RNGTT: variants seen among roughly 807,000 people sequenced by gnomAD.
RNGTT encodes the protein mRNA-capping enzyme.
Under a neutral mutation model 79.3 loss-of-function variants are expected in RNGTT, and 33 were observed. The ratio of observed to expected loss-of-function variants is 0.42; its 90% CI spans 0.32 to 0.56. The LOEUF (loss-of-function observed/expected upper bound fraction) is 0.56, where lower values mean the gene tolerates loss of function less well. Ranked by LOEUF, RNGTT falls within the 20% of genes least tolerant of loss-of-function variation. RNGTT has a pLI of 0.17. For missense variants in RNGTT, 497 were observed against 739.1 expected, an observed-to-expected ratio of 0.67 and a Z score of 3.80; for synonymous variants, 222 against 235.9, an observed-to-expected ratio of 0.94 and a Z score of 0.54.
At chr6:88,669,654 G>T (rs1194182331) in intron 14 of RNGTT, among the ~76,000 whole-genome samples, 1 of 152,188 alleles carries the variant, frequency 6.6e-6, no homozygotes, top group Non-Finnish European at 1.5e-5. Context: ...GGACTGGACG[G>T]CTCCAGCTAG....
At chr6:88,777,181 T>C (rs1562247516) in intron 12 of RNGTT, among the ~76,000 whole-genome samples, 3 of 152,206 alleles carry the variant, frequency 2.0e-5, no homozygotes, top group Non-Finnish European at 4.4e-5. Flanking sequence ...TTCTGGGCCC[T>C]CTATTCTGGT....
At chr6:88,927,662 C>CA (rs35564169) in intron 4 of RNGTT, among the ~76,000 whole-genome samples, 22 of 136,746 alleles carry the variant, frequency 1.6e-4, no homozygotes, top group East Asian at 1.1e-3. Flanking sequence ...AACTCCATCT[C>CA]AAAAAAAAAA....
intron 4 of RNGTT, among the ~76,000 whole-genome samples, chr6:88,927,749 G>A (rs1255629392): frequency 3.3e-5 from 5 of 149,950 alleles, no homozygotes; most frequent in African/African-American, 4.9e-5. Context: ...TGGGAGAATC[G>A]CTTGAACCTG....
At chr6:88,796,856 T>C (rs1435230213) in intron 12 of RNGTT, among the ~76,000 whole-genome samples, 1 of 152,140 alleles carries the variant, frequency 6.6e-6, no homozygotes, top group African/African-American at 2.4e-5. Flanking sequence ...CAGTTATAAC[T>C]TACGAGATAA....
chr6:88,615,491 G>C (rs1053806769), intron 14 of RNGTT, among the ~76,000 whole-genome samples: 3 of 152,126 alleles, frequency 2.0e-5, no homozygotes, highest in South Asian at 2.1e-4. Context: ...TTTGGAACTA[G>C]ACATGCCCAA....
chr6:88,734,195 A>T (rs1777208896), intron 13 of RNGTT, among the ~76,000 whole-genome samples: 2 of 152,150 alleles, frequency 1.3e-5, no homozygotes, highest in Non-Finnish European at 2.9e-5. Context: ...AGGAACTGAG[A>T]TACTCTGTTA....
At chr6:88,715,255 C>A (rs1198867714) in intron 13 of RNGTT, among the ~76,000 whole-genome samples, 10 of 152,114 alleles carry the variant, frequency 6.6e-5, no homozygotes, top group Non-Finnish European at 4.4e-5. Context: ...ATCCAACTTA[C>A]AAGGGATGTG....
chr6:88,688,636 A>G (rs1030987665), intron 13 of RNGTT, among the ~76,000 whole-genome samples: 1 of 152,246 alleles, frequency 6.6e-6, no homozygotes, highest in African/African-American at 2.4e-5. Context: ...AAGACACAGA[A>G]GCCAACTTGA....
At chr6:88,897,042 A>G (rs62429025) in intron 6 of RNGTT, among the ~76,000 whole-genome samples, 1,968 of 152,224 alleles carry the variant, frequency 0.013, 17 homozygotes, top group Non-Finnish European at 0.019. Flanking sequence ...TAAAACTAAC[A>G]TGTCACTATA....
chr6:88,675,834 A>C (rs1774853373), intron 14 of RNGTT, among the ~76,000 whole-genome samples: 1 of 152,226 alleles, frequency 6.6e-6, no homozygotes, highest in Admixed American at 6.5e-5. Context: ...TAATAGCATA[A>C]AAAATACAAA....
chr6:88,712,127 T>A (rs1484622338), intron 13 of RNGTT, among the ~76,000 whole-genome samples: 2 of 152,092 alleles, frequency 1.3e-5, no homozygotes, highest in African/African-American at 4.8e-5. Flanking sequence ...GGGGATAAAT[T>A]TAATCTAAAA....
intron 13 of RNGTT, among the ~76,000 whole-genome samples, chr6:88,681,081 T>C (rs1562191264): frequency 6.6e-6 from 1 of 152,220 alleles, no homozygotes; most frequent in Non-Finnish European, 1.5e-5. Flanking sequence ...ATAGCAGTAG[T>C]TTAATTTATT....
intron 11 of RNGTT, among the ~76,000 whole-genome samples, chr6:88,822,432 GCTAA>G (rs1208162356): frequency 6.6e-6 from 1 of 152,160 alleles, no homozygotes; most frequent in East Asian, 1.9e-4. Context: ...GTTAAAAGTT[GCTAA>G]CTATGTTTTT....
intron 8 of RNGTT, among the ~76,000 whole-genome samples, chr6:88,864,204 A>G (rs1319423084): frequency 6.6e-6 from 1 of 152,158 alleles, no homozygotes; most frequent in Non-Finnish European, 1.5e-5. Flanking sequence ...CAGGAATTAT[A>G]TAGCTACTAC....
chr6:88,735,854 A>G (rs1777267614), intron 13 of RNGTT, among the ~76,000 whole-genome samples: 1 of 152,100 alleles, frequency 6.6e-6, no homozygotes, highest in Non-Finnish European at 1.5e-5. Flanking sequence ...GAACTTGAAA[A>G]CAGGAACAAC....
At chr6:88,654,811 C>G (rs1474065240) in intron 14 of RNGTT, among the ~76,000 whole-genome samples, 1 of 152,118 alleles carries the variant, frequency 6.6e-6, no homozygotes, top group East Asian at 1.9e-4. Flanking sequence ...TTTTCCAATA[C>G]AGAAATTAAT....
chr6:88,963,313 G>A (rs375088234), intron 1 of RNGTT, 33 bp downstream of exon 1: 7 of 1,609,752 alleles, frequency 4.3e-6, no homozygotes, highest in Non-Finnish European at 4.2e-6. Context: ...ACGTTGGAGT[G>A]TGGGGATTCG....
At chr6:88,667,891 G>A (rs1774478760) in intron 14 of RNGTT, among the ~76,000 whole-genome samples, 1 of 152,066 alleles carries the variant, frequency 6.6e-6, no homozygotes, top group Admixed American at 6.6e-5. Context: ...AATGGGTACA[G>A]GCTCTCCCCA....
At chr6:88,934,086 G>C (rs1419226832) in intron 2 of RNGTT, among the ~76,000 whole-genome samples, 4 of 152,156 alleles carry the variant, frequency 2.6e-5, no homozygotes, top group Non-Finnish European at 5.9e-5. Context: ...CTGGAGTGCA[G>C]TAGCACAATC....
Sources: allele counts gnomAD v4.1 joint callset (sites outside exome capture counted in the v4.1 genomes callset), GRCh38; gene constraint gnomAD v4.1.1; transcripts MANE v1.5; gene names NCBI Gene and HGNC (gene_info 2026-07-23, HGNC 2026-07-21).